RBPMS: variants seen among roughly 807,000 people sequenced by gnomAD.
RBPMS encodes RNA-binding protein with multiple splicing.
Under a neutral mutation model 26.8 loss-of-function variants are expected in RBPMS, and 7 were observed. The ratio of observed to expected loss-of-function variants is 0.26; its 90% confidence interval spans 0.15 to 0.49. The LOEUF is 0.49. Among genes scored for constraint, RBPMS ranks in the 20% least tolerant of loss-of-function variants. The probability of loss-of-function intolerance (pLI) is 0.98; values close to 1 mark genes in which losing one functional copy is unlikely to be tolerated. For missense variants in RBPMS, 186 were observed against 250.0 expected (o/e 0.74, Z 1.73); for synonymous variants, 96 against 93.3 (o/e 1.03, Z -0.17).
At chr8:30,443,626 G>A (rs992145746) in intron 1 of RBPMS, among the ~76,000 whole-genome samples, 1 of 151,398 alleles carries the variant, frequency 6.6e-6, no homozygotes, top group East Asian at 1.9e-4. Flanking sequence ...ACAAAGTCTC[G>A]CTCTGTTGCC....
chr8:30,569,328 G>T (rs182786110), intron 8 of RBPMS, among the ~76,000 whole-genome samples: 1 of 152,222 alleles, frequency 6.6e-6, no homozygotes, highest in African/African-American at 2.4e-5. Context: ...GAAGGAAAAG[G>T]TCTCAGGAAA....
chr8:30,465,998 T>C (rs138693032), intron 1 of RBPMS, among the ~76,000 whole-genome samples: 1 of 152,300 alleles, frequency 6.6e-6, no homozygotes, highest in East Asian at 1.9e-4. Flanking sequence ...TTCTTCTCTC[T>C]TCCACCTGTG....
intron 3 of RBPMS, 63 bp from the exon 4 acceptor site, chr8:30,479,252 T>C: frequency 8.1e-7 from 1 of 1,238,068 alleles, no homozygotes; most frequent in Non-Finnish European, 1.2e-6. Context: ...GATGTCACCC[T>C]TGACCTAGAA....
chr8:30,546,065 T>TG (rs1825844077), intron 6 of RBPMS, among the ~76,000 whole-genome samples: 1 of 152,160 alleles, frequency 6.6e-6, no homozygotes, highest in Admixed American at 6.5e-5. Context: ...TGTAAACCTG[T>TG]GGGTGTCTTC....
intron 1 of RBPMS, among the ~76,000 whole-genome samples, chr8:30,454,910 G>C (rs974672951): frequency 3.3e-5 from 5 of 152,118 alleles, no homozygotes; most frequent in African/African-American, 1.2e-4. Flanking sequence ...TGCAACCTCT[G>C]CCTCCCGATT....
intron 1 of RBPMS, among the ~76,000 whole-genome samples, chr8:30,457,923 G>A (rs1815421045): frequency 6.6e-6 from 1 of 152,168 alleles, no homozygotes; most frequent in Admixed American, 6.5e-5. Context: ...AGCAGAAAGT[G>A]TAACAAGGTA....
At chr8:30,459,284 GT>G (rs894203674) in intron 1 of RBPMS, among the ~76,000 whole-genome samples, 6 of 150,074 alleles carry the variant, frequency 4.0e-5, no homozygotes, top group South Asian at 2.1e-4. Context: ...TTTGTTTGTG[GT>G]TTTTTTTTGT....
intron 6 of RBPMS, chr8:30,547,427 T>G (rs1585841829): frequency 6.3e-7 from 1 of 1,589,252 alleles, no homozygotes; most frequent in Middle Eastern, 1.7e-4. Context: ...ATGTTGAATT[T>G]GTTTGTTAGC....
At chr8:30,514,680 CTTTTTTTTTTT>C (rs577244764) in intron 5 of RBPMS, among the ~76,000 whole-genome samples, 79 of 82,638 alleles carry the variant, frequency 9.6e-4, no homozygotes, top group Admixed American at 1.5e-3. Flanking sequence ...CCATGCCGGG[CTTTTTTTTTTT>C]TTTTTTTTTT....
intron 4 of RBPMS, among the ~76,000 whole-genome samples, chr8:30,496,452 G>A (rs889266722): frequency 6.6e-5 from 10 of 152,100 alleles, no homozygotes; most frequent in Non-Finnish European, 2.9e-5. Flanking sequence ...ACAGGCGTGA[G>A]CCACCGTGCC....
intron 6 of RBPMS, chr8:30,552,927 G>A (rs1217805340): frequency 6.6e-6 from 1 of 152,280 alleles, no homozygotes; most frequent in Non-Finnish European, 1.5e-5. Context: ...GACCTCAGTA[G>A]CACCTGCCAT....
chr8:30,423,903 T>A (rs1026509374), intron 1 of RBPMS, among the ~76,000 whole-genome samples: 5 of 151,982 alleles, frequency 3.3e-5, no homozygotes, highest in Non-Finnish European at 7.4e-5. Flanking sequence ...CATGGCACGA[T>A]CTTGGCTCAC....
chr8:30,507,816 C>T (rs1044684298), intron 5 of RBPMS, among the ~76,000 whole-genome samples: 6 of 152,074 alleles, frequency 3.9e-5, no homozygotes, highest in Non-Finnish European at 7.4e-5. Flanking sequence ...TTATTTTTCT[C>T]GTCTGTAAAG....
chr8:30,486,110 G>A (rs1037501782), intron 4 of RBPMS, among the ~76,000 whole-genome samples: 1 of 152,136 alleles, frequency 6.6e-6, no homozygotes, highest in Non-Finnish European at 1.5e-5. Flanking sequence ...ACTTTGGGAG[G>A]CTGAGGTGGG....
intron 6 of RBPMS, chr8:30,545,296 C>T: frequency 2.5e-6 from 3 of 1,198,232 alleles, no homozygotes; most frequent in Non-Finnish European, 3.2e-6. Context: ...CTTCCTGTTT[C>T]TCCGCAAAGA....
intron 1 of RBPMS, among the ~76,000 whole-genome samples, chr8:30,456,850 G>A (rs766064367): frequency 6.6e-6 from 1 of 152,216 alleles, no homozygotes; most frequent in African/African-American, 2.4e-5. Context: ...AAACCCCGGA[G>A]GTGGAGGTTG....
intron 5 of RBPMS, among the ~76,000 whole-genome samples, chr8:30,518,687 C>CTTTTTTTTTTTTTT (rs58763494): frequency 0.015 from 268 of 18,244 alleles, 108 homozygotes; most frequent in South Asian, 0.022. Flanking sequence ...CCAAGCATGA[C>CTTTTTTTTTTTTTT]TTTTTTTTTT....
chr8:30,508,141 A>G (rs1821247243), intron 5 of RBPMS, among the ~76,000 whole-genome samples: 1 of 152,160 alleles, frequency 6.6e-6, no homozygotes, highest in Admixed American at 6.5e-5. Context: ...ATAAGAAGAA[A>G]AAGAGACACC....
At chr8:30,386,954 T>C (rs1409108108) in intron 1 of RBPMS, 2 of 152,122 alleles carry the variant, frequency 1.3e-5, no homozygotes, top group Non-Finnish European at 2.9e-5. Context: ...TTTTTCTGCT[T>C]GACCCCTCTT....
Sources: allele counts gnomAD v4.1 joint callset (sites outside exome capture counted in the v4.1 genomes callset), GRCh38; gene constraint gnomAD v4.1.1; transcripts MANE v1.5; gene names NCBI Gene and HGNC (gene_info 2026-07-23, HGNC 2026-07-21).